The following MDGA2 variants were observed in gnomAD, a reference collection of about 807,000 sequenced individuals.
MDGA2 encodes MAM domain containing glycosylphosphatidylinositol anchor 2, also known as MAM domain-containing glycosylphosphatidylinositol anchor protein 2.
MDGA2 carries 40 observed loss-of-function variants against 117.8 expected under a neutral mutation model. The ratio of observed to expected loss-of-function variants is 0.34; its 90% CI spans 0.26 to 0.44. MDGA2 has a LOEUF of 0.44. Ranked by LOEUF, MDGA2 falls within the 20% of genes least tolerant of loss-of-function variation. The probability of loss-of-function intolerance (pLI) is 1.00; values close to 1 mark genes in which losing one functional copy is unlikely to be tolerated. For synonymous variants in MDGA2, 452 were observed against 439.0 expected, an observed-to-expected ratio of 1.03 and a Z score of -0.37; for missense variants, 1,123 against 1,250.6, an observed-to-expected ratio of 0.90 and a Z score of 1.54.
chr14:46,910,118 T>C (rs1235942495), intron 10 of MDGA2, among the ~76,000 whole-genome samples: 6 of 152,168 alleles, frequency 3.9e-5, no homozygotes, highest in African/African-American at 1.4e-4. Context: ...TCTTAATATA[T>C]AGAAATGAGA....
intron 1 of MDGA2, among the ~76,000 whole-genome samples, chr14:47,504,747 G>T (rs1894475637): frequency 6.6e-6 from 1 of 152,120 alleles, no homozygotes; most frequent in Admixed American, 6.5e-5. Context: ...CTGTTCGTGG[G>T]ATAGTAAACT....
chr14:47,653,404 G>A (rs143989683), intron 1 of MDGA2, among the ~76,000 whole-genome samples: 60 of 152,176 alleles, frequency 3.9e-4, no homozygotes, highest in African/African-American at 1.2e-3. Context: ...GTGAAATGTC[G>A]CTGGTGCTTA....
At chr14:46,874,777 G>A (rs1882156419) in intron 12 of MDGA2, among the ~76,000 whole-genome samples, 1 of 151,544 alleles carries the variant, frequency 6.6e-6, no homozygotes, top group Non-Finnish European at 1.5e-5. Flanking sequence ...ACTTCAGTAT[G>A]GAAATGAAGT....
At chr14:47,015,506 T>C (rs1000971535) in intron 8 of MDGA2, among the ~76,000 whole-genome samples, 2 of 150,798 alleles carry the variant, frequency 1.3e-5, no homozygotes, top group Admixed American at 6.6e-5. Context: ...GGTGGCAATA[T>C]GAAAACATGG....
At chr14:46,898,857 A>T (rs1460117815) in intron 10 of MDGA2, among the ~76,000 whole-genome samples, 1 of 152,136 alleles carries the variant, frequency 6.6e-6, no homozygotes, top group Non-Finnish European at 1.5e-5. Context: ...GCATCAACAA[A>T]AATAATGAAA....
intron 8 of MDGA2, among the ~76,000 whole-genome samples, chr14:47,008,695 A>C (rs975740880): frequency 1.3e-5 from 2 of 151,924 alleles, no homozygotes; most frequent in Non-Finnish European, 2.9e-5. Context: ...CATTGTCTAT[A>C]AAATATCTGC....
intron 1 of MDGA2, among the ~76,000 whole-genome samples, chr14:47,335,745 T>TATATACATACATACATACATAC: frequency 1.0e-5 from 1 of 95,558 alleles, no homozygotes; most frequent in Non-Finnish European, 2.2e-5. Flanking sequence ...TATATATATA[T>TATATACATACATACATACATAC]ATACATACAT....
At chr14:47,536,186 G>A (rs1291977262) in intron 1 of MDGA2, among the ~76,000 whole-genome samples, 1 of 152,164 alleles carries the variant, frequency 6.6e-6, no homozygotes, top group African/African-American at 2.4e-5. Context: ...GTAAGGTAGG[G>A]TGAAGAATTA....
At chr14:47,359,759 AAAAAAAAGAAAAG>A (rs1891075001) in intron 1 of MDGA2, among the ~76,000 whole-genome samples, 1 of 151,268 alleles carries the variant, frequency 6.6e-6, no homozygotes, top group Admixed American at 6.6e-5. Context: ...AAAAAAAAAA[AAAAAAAAGAAAAG>A]AAAAAAAAAC....
chr14:46,908,129 T>C (rs752774537), intron 10 of MDGA2, among the ~76,000 whole-genome samples: 3 of 152,186 alleles, frequency 2.0e-5, no homozygotes, highest in Non-Finnish European at 4.4e-5. Flanking sequence ...CTGGTGCTTA[T>C]TACAAAATAT....
chr14:47,422,597 G>GT (rs1184671850), intron 1 of MDGA2, among the ~76,000 whole-genome samples: 4 of 152,252 alleles, frequency 2.6e-5, no homozygotes, highest in Admixed American at 2.6e-4. Context: ...TAGGTCTGAA[G>GT]TTTTTTAACT....
chr14:46,967,371 G>A (rs1215903198), intron 8 of MDGA2, among the ~76,000 whole-genome samples: 1 of 152,130 alleles, frequency 6.6e-6, no homozygotes, highest in East Asian at 1.9e-4. Context: ...CTGGTTCTTT[G>A]TTGGGATTAA....
At chr14:47,262,994 T>G (rs1887847532) in intron 2 of MDGA2, among the ~76,000 whole-genome samples, 1 of 152,092 alleles carries the variant, frequency 6.6e-6, no homozygotes, top group South Asian at 2.1e-4. Context: ...TCAGCATGAG[T>G]CAGCCTCCCA....
chr14:47,246,198 C>T (rs2139623205), intron 2 of MDGA2, among the ~76,000 whole-genome samples: 1 of 151,958 alleles, frequency 6.6e-6, no homozygotes. Flanking sequence ...ACAAATAATG[C>T]TTTGAGCACC....
intron 1 of MDGA2, among the ~76,000 whole-genome samples, chr14:47,488,864 G>T (rs1894111900): frequency 6.6e-6 from 1 of 151,982 alleles, no homozygotes; most frequent in Non-Finnish European, 1.5e-5. Flanking sequence ...AGGAGAAACA[G>T]ACAAATTACT....
chr14:47,506,994 CT>C (rs34589993), intron 1 of MDGA2, among the ~76,000 whole-genome samples: 2,454 of 135,828 alleles, frequency 0.018, 40 homozygotes, highest in African/African-American at 0.053. Context: ...AGGCTGCTTA[CT>C]TTTTTTTTTT....
intron 1 of MDGA2, among the ~76,000 whole-genome samples, chr14:47,424,009 C>T (rs545925828): frequency 6.6e-6 from 1 of 152,076 alleles, no homozygotes; most frequent in Non-Finnish European, 1.5e-5. Context: ...AACAGGGTTT[C>T]ACCATGTTGG....
intron 1 of MDGA2, among the ~76,000 whole-genome samples, chr14:47,420,266 G>A (rs17118588): frequency 0.011 from 1,669 of 152,104 alleles, 38 homozygotes; most frequent in African/African-American, 0.037. Context: ...AAATAATTCT[G>A]GCATAGTAAC....
At chr14:47,004,655 A>T (rs1455829481) in intron 8 of MDGA2, among the ~76,000 whole-genome samples, 1 of 151,834 alleles carries the variant, frequency 6.6e-6, no homozygotes, top group Admixed American at 6.6e-5. Context: ...TTGAAAATAT[A>T]GATTCAATTG....
Sources: gnomAD v4.1 joint callset for allele counts (sites outside exome capture counted in the v4.1 genomes callset) on GRCh38, gnomAD v4.1.1 for gene constraint, MANE v1.5 for transcripts, NCBI Gene and HGNC (gene_info 2026-07-23, HGNC 2026-07-21) for gene names.